PDE4B: variants seen among roughly 807,000 people sequenced by gnomAD.
PDE4B encodes 3',5'-cyclic-AMP phosphodiesterase 4B.
Under a neutral mutation model 82.2 loss-of-function variants are expected in PDE4B, and 20 were observed. That is an observed-to-expected ratio of 0.24 (90% confidence interval 0.17 to 0.35). The LOEUF (loss-of-function observed/expected upper bound fraction) is 0.35. Among genes scored for constraint, PDE4B ranks in the 10% least tolerant of loss-of-function variants. PDE4B has a pLI of 1.00. For synonymous variants in PDE4B, 320 were observed against 318.9 expected (o/e 1.00, Z -0.04); for missense variants, 655 against 907.2 (o/e 0.72, Z 3.57).
At chr1:66,050,563 G>A (rs1654969242) in intron 3 of PDE4B, 2 of 152,236 alleles carry the variant, frequency 1.3e-5, no homozygotes, top group African/African-American at 4.8e-5. Context: ...ATGCCGTATA[G>A]ACTTTGGGAA....
intron 1 of PDE4B, among the ~76,000 whole-genome samples, chr1:65,806,572 G>A (rs1302818238): frequency 1.3e-5 from 2 of 152,200 alleles, no homozygotes; most frequent in African/African-American, 2.4e-5. Context: ...AGAATCCTGA[G>A]TCACTAATAT....
intron 3 of PDE4B, among the ~76,000 whole-genome samples, chr1:66,176,174 C>T (rs1646927736): frequency 6.6e-6 from 1 of 152,148 alleles, no homozygotes; most frequent in African/African-American, 2.4e-5. Context: ...ATAGTTGACT[C>T]AACAAAGGCA....
At chr1:66,274,786 A>G (rs1655757482) in intron 7 of PDE4B, among the ~76,000 whole-genome samples, 1 of 152,252 alleles carries the variant, frequency 6.6e-6, no homozygotes, top group Non-Finnish European at 1.5e-5. Flanking sequence ...GATAGTACTC[A>G]GCACATAGCA....
At chr1:66,141,039 AAAGATATCAATGTAAACAAAGCTAAAT>A (rs1378962534) in intron 3 of PDE4B, among the ~76,000 whole-genome samples, 5 of 152,138 alleles carry the variant, frequency 3.3e-5, no homozygotes, top group African/African-American at 1.2e-4. Flanking sequence ...TTTGGTTGTC[AAAGATATCAATGTAAACAAAGCTAAAT>A]GTGTGTGTAT....
At position 66,310,786 on chromosome 1, in the gene PDE4B, AGGTTCCT is replaced by A. The variant is rs1395559103; in HGVS notation, c.635-21719_635-21713del. Among the ~76,000 whole-genome samples the A allele has an allele frequency of 9.2e-5, 14 of 152,280 alleles. No homozygotes were observed. In the East Asian group the frequency reaches 2.5e-3, roughly 27 times the overall value. ...TAAGACCTGGAGTCAAGAGAGAATG[AGGTTCCT>A]GGCTGACACTTACTAGATCTTTAAT... On this transcript the variant is annotated intron_variant, in intron 7 of 16. Coordinates refer to ENST00000341517, the MANE Select transcript of PDE4B (RefSeq NM_002600.4).
chr1:66,032,680 G>A (rs1385258912), intron 3 of PDE4B, among the ~76,000 whole-genome samples: 1 of 147,962 alleles, frequency 6.8e-6, no homozygotes, highest in African/African-American at 2.5e-5. Context: ...TTTTGAGAAG[G>A]AGTCTCGCTC....
chr1:66,221,433 C>T (rs959420001), intron 3 of PDE4B, among the ~76,000 whole-genome samples: 1 of 151,990 alleles, frequency 6.6e-6, no homozygotes, highest in Non-Finnish European at 1.5e-5. Flanking sequence ...GAATTGAATG[C>T]CCAGCAACCA....
At chr1:66,216,970 C>G (rs1650510952) in intron 3 of PDE4B, among the ~76,000 whole-genome samples, 1 of 152,112 alleles carries the variant, frequency 6.6e-6, no homozygotes, top group Admixed American at 6.6e-5. Context: ...TTATAAATTC[C>G]CTTGCATTTG....
intron 3 of PDE4B, among the ~76,000 whole-genome samples, chr1:66,173,352 C>T (rs997324656): frequency 8.5e-5 from 13 of 152,176 alleles, no homozygotes; most frequent in East Asian, 5.8e-4. Context: ...AAAGCAGAGA[C>T]GGGCATAAGC....
intron 3 of PDE4B, among the ~76,000 whole-genome samples, chr1:66,136,840 A>T (rs1451719927): frequency 1.3e-5 from 2 of 152,074 alleles, no homozygotes; most frequent in East Asian, 3.9e-4. Context: ...GCAATGGTTG[A>T]GATAGAAGGA....
chr1:65,800,664 T>C (rs1462368191), intron 1 of PDE4B, among the ~76,000 whole-genome samples: 1 of 152,220 alleles, frequency 6.6e-6, no homozygotes, highest in Non-Finnish European at 1.5e-5. Context: ...TGAAACAATT[T>C]GTGGTAGGCC....
chr1:65,837,728 T>G (rs2101327132), intron 1 of PDE4B, among the ~76,000 whole-genome samples: 1 of 152,340 alleles, frequency 6.6e-6, no homozygotes, highest in Admixed American at 6.5e-5. Flanking sequence ...TTCTTTACAA[T>G]TCCTATATTT....
intron 1 of PDE4B, among the ~76,000 whole-genome samples, chr1:65,872,869 T>G (rs1042709379): frequency 1.3e-5 from 2 of 152,234 alleles, no homozygotes; most frequent in East Asian, 3.9e-4. Flanking sequence ...AATATAGAGG[T>G]TATCATTTTT....
chr1:65,815,183 A>G (rs1273399578), intron 1 of PDE4B, among the ~76,000 whole-genome samples: 1 of 150,502 alleles, frequency 6.6e-6, no homozygotes, highest in Non-Finnish European at 1.5e-5. Context: ...GCATTAGGTA[A>G]TCTCCCAGTG....
intron 3 of PDE4B, among the ~76,000 whole-genome samples, chr1:66,036,580 T>G (rs536055473): frequency 6.6e-6 from 1 of 152,250 alleles, no homozygotes; most frequent in African/African-American, 2.4e-5. Context: ...GTGACTGTCT[T>G]TTTCTCATTG....
chr1:66,289,619 CAGGATCTTGT>C (rs1308909445), intron 7 of PDE4B, among the ~76,000 whole-genome samples: 1 of 151,676 alleles, frequency 6.6e-6, no homozygotes, highest in Non-Finnish European at 1.5e-5. Flanking sequence ...CCAGGTCTCG[CAGGATCTTGT>C]AGGTGGTGGT....
At chr1:66,148,127 G>A (rs1046874125) in intron 3 of PDE4B, among the ~76,000 whole-genome samples, 5 of 152,052 alleles carry the variant, frequency 3.3e-5, no homozygotes, top group Admixed American at 6.6e-5. Flanking sequence ...AAACTTAGCC[G>A]AGCTTGGTGG....
At chr1:66,123,909 A>G (rs1460644781) in intron 3 of PDE4B, among the ~76,000 whole-genome samples, 1 of 152,238 alleles carries the variant, frequency 6.6e-6, no homozygotes. Flanking sequence ...TCATATGACA[A>G]TAATGATAAT....
intron 3 of PDE4B, among the ~76,000 whole-genome samples, chr1:66,245,522 C>T (rs1653239827): frequency 6.6e-6 from 1 of 152,184 alleles, no homozygotes; most frequent in Non-Finnish European, 1.5e-5. Flanking sequence ...CGATAGATCT[C>T]ACCCAAGGGA....
Sources: allele counts gnomAD v4.1 joint callset (sites outside exome capture counted in the v4.1 genomes callset), GRCh38; gene constraint gnomAD v4.1.1; transcripts MANE v1.5; gene names NCBI Gene and HGNC (gene_info 2026-07-23, HGNC 2026-07-21).